DRC11: variants seen among roughly 807,000 people sequenced by gnomAD.
DRC11 encodes IQ and AAA domain-containing protein 1.
the DRC11 span, among the ~76,000 whole-genome samples, chr2:236,340,971 T>C: frequency 6.6e-6 from 1 of 152,150 alleles, no homozygotes. Context: ...ACGAGACCTG[T>C]GCACTCATCC....
the DRC11 span, chr2:236,331,429 GTGAGAGGTTTA>G: frequency 6.2e-7 from 1 of 1,613,968 alleles, no homozygotes; most frequent in East Asian, 2.2e-5. The surrounding 1 kb of genome is among the most constrained non-coding windows in gnomAD (Gnocchi z 4.8). Flanking sequence ...CTCAACTGCA[GTGAGAGGTTTA>G]TGAATTTGCC....
the DRC11 span, among the ~76,000 whole-genome samples, chr2:236,390,618 A>G: frequency 6.6e-6 from 1 of 152,216 alleles, no homozygotes; most frequent in Non-Finnish European, 1.5e-5. The surrounding 1 kb of genome is among the most constrained non-coding windows in gnomAD (Gnocchi z 5.9). Context: ...CTGGGATCCA[A>G]AGACAGGCCC....
the DRC11 span, among the ~76,000 whole-genome samples, chr2:236,356,950 T>C: frequency 6.7e-5 from 9 of 133,864 alleles, no homozygotes; most frequent in East Asian, 2.1e-4. Context: ...TATATATTCA[T>C]ATATCATAAA....
chr2:236,357,680 TTACA>T, the DRC11 span, among the ~76,000 whole-genome samples: 19 of 109,158 alleles, frequency 1.7e-4, no homozygotes, highest in African/African-American at 3.9e-4. Flanking sequence ...AAATATATAT[TTACA>T]ATATGTAAAT....
At chr2:236,438,437 G>A in the DRC11 span, among the ~76,000 whole-genome samples, 26 of 149,204 alleles carry the variant, frequency 1.7e-4, no homozygotes, top group African/African-American at 6.5e-4. Flanking sequence ...CTCTTTTTTG[G>A]TTCCATATGA....
the DRC11 span, among the ~76,000 whole-genome samples, chr2:236,426,702 C>T: frequency 4.5e-4 from 68 of 152,264 alleles, no homozygotes; most frequent in African/African-American, 1.3e-3. The surrounding 1 kb of genome is among the most constrained non-coding windows in gnomAD (Gnocchi z 4.1). Flanking sequence ...CCACCGTGCC[C>T]GGCCTCTGGA....
At chr2:236,314,688 C>T in the DRC11 span, among the ~76,000 whole-genome samples, 1 of 151,922 alleles carries the variant, frequency 6.6e-6, no homozygotes, top group Non-Finnish European at 1.5e-5. This position sits in a 1 kb window ranked among gnomAD's most constrained non-coding sequence, Gnocchi z 4.5. Flanking sequence ...TAAAGTAAAA[C>T]TTAAAAATGA....
chr2:236,380,646 A>C, the DRC11 span: 6 of 1,539,282 alleles, frequency 3.9e-6, no homozygotes, highest in Non-Finnish European at 5.3e-6. The surrounding 1 kb of genome is among the most constrained non-coding windows in gnomAD (Gnocchi z 4.9). Flanking sequence ...TCTTTGGAAA[A>C]AAAGGAAATA....
At chr2:236,358,156 C>T in the DRC11 span, among the ~76,000 whole-genome samples, 1 of 120,946 alleles carries the variant, frequency 8.3e-6, no homozygotes. Context: ...TAGATATATA[C>T]TATATGAATA....
the DRC11 span, among the ~76,000 whole-genome samples, chr2:236,492,550 C>A: frequency 6.6e-6 from 1 of 152,236 alleles, no homozygotes; most frequent in African/African-American, 2.4e-5. Flanking sequence ...CCCTGGCCTG[C>A]AGTTGCAGCC....
At chr2:236,373,413 G>A in the DRC11 span, among the ~76,000 whole-genome samples, 1 of 151,972 alleles carries the variant, frequency 6.6e-6, no homozygotes, top group African/African-American at 2.4e-5. Flanking sequence ...ATCACACCTG[G>A]CTAACTTTTG....
At chr2:236,414,863 T>A in the DRC11 span, among the ~76,000 whole-genome samples, 2 of 152,178 alleles carry the variant, frequency 1.3e-5, no homozygotes. Flanking sequence ...AATGGTCTTG[T>A]GTACAATTAC....
the DRC11 span, among the ~76,000 whole-genome samples, chr2:236,330,486 T>C: frequency 3.3e-5 from 5 of 152,184 alleles, no homozygotes; most frequent in Non-Finnish European, 5.9e-5. This position sits in a 1 kb window ranked among gnomAD's most constrained non-coding sequence, Gnocchi z 5.5. Flanking sequence ...TTTTCACCTT[T>C]CTAATGCTTC....
At chr2:236,359,699 C>T in the DRC11 span, among the ~76,000 whole-genome samples, 1 of 152,194 alleles carries the variant, frequency 6.6e-6, no homozygotes, top group African/African-American at 2.4e-5. This position sits in a 1 kb window ranked among gnomAD's most constrained non-coding sequence, Gnocchi z 4.3. Context: ...GCACAAGCAT[C>T]CTGTCCTGCT....
At chr2:236,496,332 T>C in the DRC11 span, among the ~76,000 whole-genome samples, 1 of 152,296 alleles carries the variant, frequency 6.6e-6, no homozygotes, top group African/African-American at 2.4e-5. This position sits in a 1 kb window ranked among gnomAD's most constrained non-coding sequence, Gnocchi z 6.3. Flanking sequence ...AAAGCCCAAA[T>C]ATTTTCAAGG....
the DRC11 span, chr2:236,324,702 C>G: frequency 6.3e-7 from 1 of 1,585,132 alleles, no homozygotes; most frequent in East Asian, 2.2e-5. The surrounding 1 kb of genome is among the most constrained non-coding windows in gnomAD (Gnocchi z 5.7). Context: ...TTCCTTTTCC[C>G]TTTGTCCTTT....
chr2:236,417,749 C>G, the DRC11 span, among the ~76,000 whole-genome samples: 1 of 151,582 alleles, frequency 6.6e-6, no homozygotes. Flanking sequence ...CCCTAACAGG[C>G]CCCTGTGTGT....
At chr2:236,364,981 C>G in the DRC11 span, among the ~76,000 whole-genome samples, 1 of 152,198 alleles carries the variant, frequency 6.6e-6, no homozygotes, top group South Asian at 2.1e-4. Context: ...AATGAGCATG[C>G]CTTTTTTGTG....
chr2:236,378,510 T>C, the DRC11 span, among the ~76,000 whole-genome samples: 6 of 151,686 alleles, frequency 4.0e-5, no homozygotes, highest in African/African-American at 4.8e-5. Context: ...CCATCTCTAC[T>C]AAAAATACAA....
Sources: allele counts gnomAD v4.1 joint callset (sites outside exome capture counted in the v4.1 genomes callset), GRCh38; gene constraint gnomAD v4.1.1; non-coding constraint Gnocchi (gnomAD v3.1); transcripts MANE v1.5; gene names NCBI Gene and HGNC (gene_info 2026-07-23, HGNC 2026-07-21).